MCHR2: variants seen among roughly 807,000 people sequenced by gnomAD.
MCHR2 encodes the protein melanin-concentrating hormone receptor 2.
A neutral mutation model predicts 24.8 loss-of-function variants in MCHR2; 15 were observed. The observed-to-expected ratio is 0.60, with a 90% CI of 0.40 to 0.93. The LOEUF is 0.93. Ranked by LOEUF, MCHR2 falls within the 40% of genes least tolerant of loss-of-function variation. The pLI is 0.00. For synonymous variants in MCHR2, 151 were observed against 147.6 expected, an observed-to-expected ratio of 1.02 and a Z score of -0.17; for missense variants, 386 against 408.7, an observed-to-expected ratio of 0.94 and a Z score of 0.48.
chr6:99,975,566 G>A lies in MCHR2; in HGVS notation c.-28+18370C>T, dbSNP rs141704659. Among the ~76,000 whole-genome samples, 181 of 152,306 alleles carry A rather than the reference G, an allele frequency of 1.2e-3. 1 individual carries two copies. Among genetic ancestry groups the A allele is most frequent in the African/African-American group, 4.1e-3 (172 of 41,574 alleles). On this transcript the variant is annotated intron_variant, in intron 1 of 5. Coordinates refer to ENST00000281806, the MANE Select transcript of MCHR2 (RefSeq NM_001040179.2). ...CCCTGCTTCAGCTCGTGCATGGTGC[G>A]CTGCACCCACTGTCCTGCACCCACT... is the stretch of plus-strand genomic sequence containing the variant.
chr6:99,924,858 A>G (rs368057445), intron 5 of MCHR2, among the ~76,000 whole-genome samples: 1 of 152,134 alleles, frequency 6.6e-6, no homozygotes, highest in African/African-American at 2.4e-5. Flanking sequence ...TGCTGAGGAA[A>G]ATAATGTATA....
chr6:99,930,094 A>T (rs1401634059), intron 5 of MCHR2, among the ~76,000 whole-genome samples: 3 of 151,688 alleles, frequency 2.0e-5, no homozygotes, highest in African/African-American at 7.3e-5. Context: ...TCCTTCACTT[A>T]CGAAGCTTAG....
At chr6:99,963,965 C>T (rs1775246403) in intron 1 of MCHR2, among the ~76,000 whole-genome samples, 1 of 151,998 alleles carries the variant, frequency 6.6e-6, no homozygotes, top group African/African-American at 2.4e-5. Context: ...AGAAAAATGG[C>T]AAGTGACTTC....
At chr6:99,991,133 G>C (rs2001456) in intron 1 of MCHR2, among the ~76,000 whole-genome samples, 2 of 151,578 alleles carry the variant, frequency 1.3e-5, no homozygotes, top group African/African-American at 4.9e-5. Context: ...GAGAAGGTGC[G>C]GGCATGGAGA....
chr6:99,936,825 G>A lies in MCHR2; in HGVS notation c.588-2308C>T, dbSNP rs565204278. 2.1e-4 allele frequency among the ~76,000 whole-genome samples: 32 copies of A among 151,734 alleles called. 1 individual carries two copies. The highest frequency in any genetic ancestry group is 3.6e-4 in the African/African-American group (15 of 41,496). Reference sequence around the variant, plus strand: ...AGTAATTCTTCCAATTAATCAACACGGAATATCCTTTTTTGTGTCCTATTT... The same window carrying A: ...AGTAATTCTTCCAATTAATCAACACAGAATATCCTTTTTTGTGTCCTATTT... On this transcript the variant is annotated intron_variant, in intron 4 of 5. Transcript: ENST00000281806.
intron 2 of MCHR2, among the ~76,000 whole-genome samples, chr6:99,951,169 G>A (rs1383837314): frequency 6.6e-6 from 1 of 152,166 alleles, no homozygotes; most frequent in Non-Finnish European, 1.5e-5. Flanking sequence ...GGGATAGGGT[G>A]TAGAAGTGGC....
At chr6:99,943,567 T>C (rs2114522608) in intron 3 of MCHR2, among the ~76,000 whole-genome samples, 1 of 151,670 alleles carries the variant, frequency 6.6e-6, no homozygotes, top group East Asian at 2.0e-4. Context: ...TTCCCATCTA[T>C]AAGTGAGAAC....
At chr6:99,970,265 G>A (rs1036626678) in intron 1 of MCHR2, among the ~76,000 whole-genome samples, 1 of 152,132 alleles carries the variant, frequency 6.6e-6, no homozygotes, top group Non-Finnish European at 1.5e-5. Flanking sequence ...ACTGGTGTGA[G>A]ATGGTATCTC....
At chr6:99,931,339 G>T (rs1243825460) in intron 5 of MCHR2, among the ~76,000 whole-genome samples, 1 of 152,182 alleles carries the variant, frequency 6.6e-6, no homozygotes, top group African/African-American at 2.4e-5. Context: ...CTCCAGCTGT[G>T]TGCTGGGAGA....
At chr6:99,985,457 T>G (rs893535348) in intron 1 of MCHR2, among the ~76,000 whole-genome samples, 1 of 152,142 alleles carries the variant, frequency 6.6e-6, no homozygotes, top group Non-Finnish European at 1.5e-5. Context: ...CAAAACAGCA[T>G]GATGCTGGCG....
intron 1 of MCHR2, among the ~76,000 whole-genome samples, chr6:99,968,508 G>A (rs1775334468): frequency 6.6e-6 from 1 of 152,128 alleles, no homozygotes; most frequent in African/African-American, 2.4e-5. Flanking sequence ...TAAGTGACAT[G>A]GAGAAGCTAG....
chr6:99,939,503 G>T (rs1368303856), intron 4 of MCHR2, among the ~76,000 whole-genome samples: 2 of 152,058 alleles, frequency 1.3e-5, no homozygotes, highest in Admixed American at 1.3e-4. Context: ...AGTTGTCTCA[G>T]TTTACGTATT....
chr6:99,944,574 C>A (rs576654514), intron 3 of MCHR2, among the ~76,000 whole-genome samples: 1 of 152,102 alleles, frequency 6.6e-6, no homozygotes, highest in African/African-American at 2.4e-5. Context: ...CTGGCCAGGG[C>A]TCCTCAGCTA....
At chr6:99,969,175 G>A (rs1001163996) in intron 1 of MCHR2, among the ~76,000 whole-genome samples, 8 of 152,062 alleles carry the variant, frequency 5.3e-5, no homozygotes, top group South Asian at 4.2e-4. Context: ...GCCATCTAAC[G>A]TAATTTAGAA....
intron 1 of MCHR2, among the ~76,000 whole-genome samples, chr6:99,959,189 G>T (rs1486773863): frequency 6.6e-6 from 1 of 152,088 alleles, no homozygotes; most frequent in Non-Finnish European, 1.5e-5. Context: ...GAGTCAGATG[G>T]CATGCTGCTA....
At chr6:99,983,270 C>T (rs544562409) in intron 1 of MCHR2, among the ~76,000 whole-genome samples, 1 of 152,234 alleles carries the variant, frequency 6.6e-6, no homozygotes, top group African/African-American at 2.4e-5. Context: ...CATGCCCAGC[C>T]CCTGCCATGG....
At chr6:99,983,556 A>G (rs1023950513) in intron 1 of MCHR2, among the ~76,000 whole-genome samples, 3 of 152,064 alleles carry the variant, frequency 2.0e-5, no homozygotes, top group Admixed American at 2.0e-4. Context: ...TTGACTCACC[A>G]CTCTAAGAAA....
At chr6:99,971,148 T>G (rs1415618356) in intron 1 of MCHR2, among the ~76,000 whole-genome samples, 2 of 152,220 alleles carry the variant, frequency 1.3e-5, no homozygotes, top group Non-Finnish European at 2.9e-5. Flanking sequence ...TAAATTATCT[T>G]GGGCAGTATG....
At chr6:99,977,290 A>C (rs1775569829) in intron 1 of MCHR2, among the ~76,000 whole-genome samples, 1 of 152,236 alleles carries the variant, frequency 6.6e-6, no homozygotes, top group Non-Finnish European at 1.5e-5. Flanking sequence ...TAGGGAGCTC[A>C]GACTCAAGTT....
Sources: allele counts gnomAD v4.1 joint callset (sites outside exome capture counted in the v4.1 genomes callset), GRCh38; gene constraint gnomAD v4.1.1; transcripts MANE v1.5; gene names NCBI Gene and HGNC (gene_info 2026-07-23, HGNC 2026-07-21).